The following PDE4D variants were observed in gnomAD, a reference collection of about 807,000 sequenced individuals.
PDE4D encodes 3',5'-cyclic-AMP phosphodiesterase 4D.
In PDE4D, 24 loss-of-function variants were observed where a neutral mutation model predicts 87.4. The observed-to-expected ratio is 0.27, with a 90% CI of 0.20 to 0.39. The LOEUF is 0.39. PDE4D is among the 10% of genes least tolerant of loss of function. The pLI, the probability that PDE4D is intolerant of heterozygous loss-of-function variation, is 1.00. For missense variants in PDE4D, 714 were observed against 1,041.0 expected (o/e 0.69, Z 4.32); for synonymous variants, 384 against 383.2 (o/e 1.00, Z -0.02).
At chr5:59,337,901 T>C (rs556017378) in intron 1 of PDE4D, among the ~76,000 whole-genome samples, 8 of 152,210 alleles carry the variant, frequency 5.3e-5, no homozygotes, top group Admixed American at 1.3e-4. Flanking sequence ...CTCCATCTTG[T>C]GAACCCTCTT....
At chr5:59,168,917 T>C (rs1782308498) in intron 5 of PDE4D, among the ~76,000 whole-genome samples, 1 of 152,220 alleles carries the variant, frequency 6.6e-6, no homozygotes, top group African/African-American at 2.4e-5. Context: ...GAAGCAGGAA[T>C]AGCAACGGTG....
chr5:60,044,516 AC>A (rs1387818890), intron 2 of PDE4D, among the ~76,000 whole-genome samples: 2 of 139,624 alleles, frequency 1.4e-5, no homozygotes, highest in Non-Finnish European at 3.1e-5. Context: ...CCTCCCCCCT[AC>A]CCCCACCCCA....
chr5:59,073,394 T>C (rs1765163064), intron 5 of PDE4D, among the ~76,000 whole-genome samples: 2 of 151,408 alleles, frequency 1.3e-5, no homozygotes, highest in South Asian at 4.2e-4. Context: ...ACAAAGTGCA[T>C]TCCAGGCTGA....
At chr5:59,078,427 C>T (rs890029418) in intron 5 of PDE4D, among the ~76,000 whole-genome samples, 4 of 151,858 alleles carry the variant, frequency 2.6e-5, no homozygotes, top group African/African-American at 9.7e-5. Flanking sequence ...TGAAAAGATA[C>T]TGCTATGGTT....
chr5:59,618,245 C>A (rs957872050), intron 1 of PDE4D, among the ~76,000 whole-genome samples: 1 of 152,032 alleles, frequency 6.6e-6, no homozygotes, highest in Non-Finnish European at 1.5e-5. Context: ...GGCAGACATC[C>A]TTTTAAAAGA....
intron 1 of PDE4D, chr5:59,275,265 C>T: frequency 8.3e-7 from 1 of 1,210,948 alleles, no homozygotes; most frequent in Admixed American, 2.0e-5. Flanking sequence ...CATCACACAA[C>T]TTACTAAATA....
intron 3 of PDE4D, among the ~76,000 whole-genome samples, chr5:59,189,448 C>T (rs1390937216): frequency 6.6e-6 from 1 of 151,940 alleles, no homozygotes; most frequent in Non-Finnish European, 1.5e-5. Flanking sequence ...CTTGGGTTTT[C>T]CTGTTTTCTC....
chr5:59,544,643 T>G (rs1234194911), intron 1 of PDE4D, among the ~76,000 whole-genome samples: 1 of 152,106 alleles, frequency 6.6e-6, no homozygotes, highest in East Asian at 1.9e-4. Context: ...CCATCAATGG[T>G]TGGTTAGTCT....
intron 1 of PDE4D, among the ~76,000 whole-genome samples, chr5:60,256,727 A>T (rs1158457323): frequency 6.6e-6 from 1 of 151,964 alleles, no homozygotes; most frequent in Non-Finnish European, 1.5e-5. Flanking sequence ...TGGAGGAGAC[A>T]GAACTGAAGA....
At chr5:59,416,134 T>C (rs1052269675) in intron 1 of PDE4D, among the ~76,000 whole-genome samples, 18 of 152,226 alleles carry the variant, frequency 1.2e-4, no homozygotes, top group African/African-American at 4.3e-4. Flanking sequence ...AATTTCACAG[T>C]TGTCAGAAAA....
chr5:59,598,750 G>A (rs1827069051), intron 1 of PDE4D, among the ~76,000 whole-genome samples: 2 of 152,034 alleles, frequency 1.3e-5, no homozygotes, highest in South Asian at 4.2e-4. Flanking sequence ...AAAGGAAAGT[G>A]AAACAGTGGA....
At position 60,043,140 on chromosome 5, in the gene PDE4D, C is replaced by T. The variant is rs983664315; in HGVS notation, c.43-54423G>A. Reference sequence around the variant, plus strand: ...GCTGAAAAACCCAGCACAAGAACTTCCTGAAGCATACACAAGTATCAATAG... The same window carrying T: ...GCTGAAAAACCCAGCACAAGAACTTTCTGAAGCATACACAAGTATCAATAG... On this transcript the variant is annotated intron_variant, in intron 2 of 16. Transcript: ENST00000502484. Among the ~76,000 whole-genome samples the T allele has an allele frequency of 9.4e-4, 142 of 151,682 alleles. 1 individual carries two copies. Among genetic ancestry groups the T allele is most frequent in the Middle Eastern group, 3.4e-3 (1 of 294 alleles).
At chr5:59,365,253 G>C (rs893479394) in intron 1 of PDE4D, among the ~76,000 whole-genome samples, 1 of 152,150 alleles carries the variant, frequency 6.6e-6, no homozygotes, top group East Asian at 1.9e-4. Flanking sequence ...GAGCCCAGGA[G>C]TTGGAGACCA....
At chr5:60,436,936 A>G (rs769412517) in intron 1 of PDE4D, among the ~76,000 whole-genome samples, 1 of 152,080 alleles carries the variant, frequency 6.6e-6, no homozygotes, top group African/African-American at 2.4e-5. Context: ...TATTATGAAC[A>G]TTGTACAGAG....
intron 5 of PDE4D, among the ~76,000 whole-genome samples, chr5:59,175,483 T>C (rs1379312065): frequency 5.3e-5 from 7 of 132,610 alleles, no homozygotes; most frequent in Admixed American, 1.5e-4. Context: ...TTTTTTTTTT[T>C]TTTTTTTTTT....
intron 2 of PDE4D, among the ~76,000 whole-genome samples, chr5:60,173,398 AATTATT>A (rs1225015824): frequency 1.3e-5 from 2 of 152,144 alleles, no homozygotes; most frequent in Non-Finnish European, 2.9e-5. Flanking sequence ...TGCAATTCTA[AATTATT>A]ATTGTTATTC....
At chr5:60,019,954 C>T (rs1163463766) in intron 2 of PDE4D, among the ~76,000 whole-genome samples, 2 of 152,058 alleles carry the variant, frequency 1.3e-5, no homozygotes, top group Admixed American at 6.6e-5. Flanking sequence ...TAGCTTCCAG[C>T]CTATTTCAGC....
At chr5:60,427,803 G>C (rs1743848371) in intron 1 of PDE4D, among the ~76,000 whole-genome samples, 1 of 152,200 alleles carries the variant, frequency 6.6e-6, no homozygotes, top group African/African-American at 2.4e-5. Context: ...CAGGTGTTGT[G>C]GCTCATGCCT....
chr5:59,694,771 T>C (rs1400589398), intron 1 of PDE4D, among the ~76,000 whole-genome samples: 2 of 152,168 alleles, frequency 1.3e-5, no homozygotes, highest in East Asian at 3.8e-4. Flanking sequence ...AAGAGCAAGA[T>C]TAAAATGTAT....
Sources: allele counts gnomAD v4.1 joint callset (sites outside exome capture counted in the v4.1 genomes callset), GRCh38; gene constraint gnomAD v4.1.1; transcripts MANE v1.5; gene names NCBI Gene and HGNC (gene_info 2026-07-23, HGNC 2026-07-21).